The following RGS6 variants were observed in gnomAD, a reference collection of about 807,000 sequenced individuals.
RGS6 encodes regulator of G protein signaling 6.
In RGS6, 30 loss-of-function variants were observed where a neutral mutation model predicts 78.5. The observed-to-expected ratio is 0.38, with a 90% CI of 0.29 to 0.52. The LOEUF is 0.52. Among genes scored for constraint, RGS6 ranks in the 20% least tolerant of loss-of-function variants. The pLI, the probability that RGS6 is intolerant of heterozygous loss-of-function variation, is 0.85. For missense variants in RGS6, 495 were observed against 609.7 expected (o/e 0.81, Z 1.98); for synonymous variants, 206 against 206.0 (o/e 1.00, Z 0.00).
the RGS6 span, among the ~76,000 whole-genome samples, chr14:71,907,365 G>A: frequency 1.3e-5 from 2 of 152,148 alleles, no homozygotes. Context: ...TAAGAATTAG[G>A]TAGATAAAAG....
chr14:72,088,730 T>C lies in RGS6; in HGVS notation c.84+123855T>C, dbSNP rs969938042. Among the ~76,000 whole-genome samples, 3 of 152,170 alleles carry C rather than the reference T, an allele frequency of 2.0e-5. No homozygotes were observed. The South Asian group carries it at 6.2e-4, about 32-fold the overall frequency. On this transcript the variant is annotated intron_variant, in intron 2 of 17. Transcript: ENST00000553525. ...TGCTCTTAGAACAACATCCACACTT[T>C]TTATCCTGCAGTAGGGGGCTCTCCA...
rs1179781062 is a variant in RGS6, at chr14:72,564,488, A to C, written c.*2021A>C. On this transcript the variant is annotated 3_prime_UTR_variant, in exon 18 of 18. Coordinates refer to ENST00000553525, the MANE Select transcript of RGS6 (RefSeq NM_001204424.2). ...ACCTCATGTTTCAGAACAAAATTAC[A>C]GTCTAAGTTCATTTGCCCCCAGCCT... The C allele has an allele frequency of 6.6e-6, 1 of 152,194 alleles. No homozygotes were observed. Among genetic ancestry groups the C allele is most frequent in the Non-Finnish European group, 1.5e-5 (1 of 68,056 alleles). The allele number at this position is 152,194 out of a possible 1,614,324, so 9.4% of individuals were successfully genotyped here. A position where few individuals can be genotyped will look rare whatever the true frequency, so the allele number is the denominator to read the frequency against.
rs558262842 is a variant in RGS6 at position 72,498,754 on chromosome 14, C to T, written c.965+3492C>T. Among the ~76,000 whole-genome samples, 16 of 152,210 alleles carry T rather than the reference C, an allele frequency of 1.1e-4. No individual in the cohort carries two copies. The East Asian group carries it at 2.1e-3, about 20-fold the overall frequency. The stretch of plus-strand genomic sequence containing the variant: ...ACACGCATACTGGGGTGGCTCTGGG[C>T]GTCTGCATCTTGAGCAAGCACCCCA... On this transcript the variant is annotated intron_variant, in intron 13 of 17. Coordinates refer to ENST00000553525, the MANE Select transcript of RGS6 (RefSeq NM_001204424.2).
chr14:72,122,038 C>T (rs774952516), intron 2 of RGS6, among the ~76,000 whole-genome samples: 2 of 152,126 alleles, frequency 1.3e-5, no homozygotes, highest in African/African-American at 2.4e-5. Context: ...CAAAAAATTA[C>T]CCCACCCAAA....
At chr14:72,166,093 GACACACACACACAC>G (rs3055029) in intron 2 of RGS6, among the ~76,000 whole-genome samples, 62 of 107,798 alleles carry the variant, frequency 5.8e-4, no homozygotes, top group African/African-American at 1.1e-3. Flanking sequence ...CCATTTTTGA[GACACACACACACAC>G]ACACACACAC....
chr14:72,510,224 G>A lies in RGS6; in HGVS notation c.1036G>A (p.Gly346Arg), dbSNP rs1469989506. The change falls in exon 14 of 18, where the codon GGG becomes AGG. Residue 346 changes from glycine (G) to arginine (R), a missense_variant. Coordinates refer to ENST00000553525, the MANE Select transcript of RGS6 (RefSeq NM_001204424.2). ...CGATGAGATATTGAAGGACCAGGTGGGGCGGGACCAGTTTCTACGATTCCT... is the reference window on the plus strand; with the variant it reads ...CGATGAGATATTGAAGGACCAGGTGAGGCGGGACCAGTTTCTACGATTCCT... ...SFDEILKDQV[G>R]RDQFLRFLES... The A allele has an allele frequency of 6.2e-7, 1 of 1,614,150 alleles. No homozygotes were observed. Among genetic ancestry groups the A allele is most frequent in the Non-Finnish European group, 8.5e-7 (1 of 1,180,000 alleles).
intron 2 of RGS6, among the ~76,000 whole-genome samples, chr14:72,166,135 CACAG>C (rs1409603905): frequency 3.3e-5 from 2 of 60,736 alleles, no homozygotes; most frequent in African/African-American, 5.3e-5. Context: ...CACACACACA[CACAG>C]ACTGACTTTG....
At chr14:72,072,124 G>C (rs778308285) in intron 2 of RGS6, among the ~76,000 whole-genome samples, 1 of 152,148 alleles carries the variant, frequency 6.6e-6, no homozygotes, top group Non-Finnish European at 1.5e-5. Context: ...ACCATGCTTC[G>C]GGCAGGTGCT....
At chr14:71,888,610 A>G in the RGS6 span, among the ~76,000 whole-genome samples, 1 of 152,026 alleles carries the variant, frequency 6.6e-6, no homozygotes, top group Admixed American at 6.5e-5. Flanking sequence ...ATCTAAGTCC[A>G]TCAGTGGAAG....
chr14:71,999,819 G>GCCT (rs2083087557), intron 2 of RGS6, among the ~76,000 whole-genome samples: 1 of 113,094 alleles, frequency 8.8e-6, no homozygotes, highest in Non-Finnish European at 2.1e-5. Flanking sequence ...GCAGATGCTA[G>GCCT]CATCATGCTT....
chr14:72,051,002 T>C (rs1267197698), intron 2 of RGS6, among the ~76,000 whole-genome samples: 6 of 152,354 alleles, frequency 3.9e-5, no homozygotes, highest in African/African-American at 1.2e-4. Flanking sequence ...GTTTAATTTC[T>C]GGGGTTTTTT....
At chr14:72,135,470 C>A (rs2096418025) in intron 2 of RGS6, among the ~76,000 whole-genome samples, 1 of 152,116 alleles carries the variant, frequency 6.6e-6, no homozygotes, top group Non-Finnish European at 1.5e-5. Flanking sequence ...TTCTCTGAGT[C>A]TTGTTTTTCC....
intron 2 of RGS6, among the ~76,000 whole-genome samples, chr14:71,989,793 C>A (rs754926086): frequency 6.6e-6 from 1 of 152,148 alleles, no homozygotes; most frequent in African/African-American, 2.4e-5. Context: ...CCTCCAGAGA[C>A]GAATTTCACG....
the RGS6 span, among the ~76,000 whole-genome samples, chr14:72,574,432 C>A: frequency 6.6e-6 from 1 of 152,098 alleles, no homozygotes; most frequent in Non-Finnish European, 1.5e-5. Flanking sequence ...GAGTGTGTCT[C>A]CTCCCAGAAA....
At chr14:72,113,185 G>T (rs1442164834) in intron 2 of RGS6, among the ~76,000 whole-genome samples, 1 of 152,220 alleles carries the variant, frequency 6.6e-6, no homozygotes, top group Non-Finnish European at 1.5e-5. Flanking sequence ...GATGACTATG[G>T]TGGTGGTGAT....
At position 72,126,932 on chromosome 14, in the gene RGS6, G is replaced by A. The variant is rs1259316676; in HGVS notation, c.84+162057G>A. ...CCATCATCATCTCTCATCTCATCTCGCAGCTTTAGCTGATCCCATGGTGGG... is the reference window on the plus strand; with the variant it reads ...CCATCATCATCTCTCATCTCATCTCACAGCTTTAGCTGATCCCATGGTGGG... On this transcript the variant is annotated intron_variant, in intron 2 of 17. Transcript: ENST00000553525. 6.7e-5 allele frequency among the ~76,000 whole-genome samples: 10 copies of A among 149,176 alleles called. No homozygotes were observed. In the South Asian group the frequency reaches 8.3e-4, roughly 12 times the overall value.
intron 17 of RGS6, among the ~76,000 whole-genome samples, chr14:72,549,308 C>T (rs1467899616): frequency 2.0e-5 from 3 of 152,034 alleles, no homozygotes; most frequent in Middle Eastern, 3.2e-3. Context: ...CTCTCTCTCC[C>T]GAATGTCTGA....
intron 2 of RGS6, among the ~76,000 whole-genome samples, chr14:72,325,772 C>G (rs548618870): frequency 1.3e-5 from 2 of 151,690 alleles, no homozygotes; most frequent in East Asian, 3.9e-4. Flanking sequence ...TGATGTAAAC[C>G]ATTGAAAAAA....
Position 72,473,248 on chromosome 14 carries a change from C to T in RGS6, c.618+295C>T, listed in dbSNP as rs534297186. On this transcript the variant is annotated intron_variant, in intron 9 of 17. Transcript: ENST00000553525. Reference sequence around the variant, plus strand: ...CACGAGGTCAGTCGATCAAGACCATCCTGGCTAACACGGTGAAACCCCGTC... The same window carrying T: ...CACGAGGTCAGTCGATCAAGACCATTCTGGCTAACACGGTGAAACCCCGTC... Among the ~76,000 whole-genome samples, 110 of 152,306 alleles carry T rather than the reference C, an allele frequency of 7.2e-4. 1 individual carries two copies. The highest frequency in any genetic ancestry group is 6.8e-3 in the Admixed American group (104 of 15,300).
Sources: allele counts gnomAD v4.1 joint callset (sites outside exome capture counted in the v4.1 genomes callset), GRCh38; gene constraint gnomAD v4.1.1; transcripts MANE v1.5; gene names NCBI Gene and HGNC (gene_info 2026-07-23, HGNC 2026-07-21).